SLC24A2: variants seen among roughly 807,000 people sequenced by gnomAD.
The protein encoded by SLC24A2 is sodium/potassium/calcium exchanger 2.
A neutral mutation model predicts 62.0 loss-of-function variants in SLC24A2; 36 were observed. The observed-to-expected ratio is 0.58, with a 90% confidence interval of 0.44 to 0.77. The LOEUF (loss-of-function observed/expected upper bound fraction) is 0.77. SLC24A2 is among the 30% of genes least tolerant of loss of function. The pLI, the probability that SLC24A2 is intolerant of heterozygous loss-of-function variation, is 0.00. For missense variants in SLC24A2, 846 were observed against 817.9 expected (o/e 1.03, Z -0.42); for synonymous variants, 358 against 294.0 (o/e 1.22, Z -2.23).
At chr9:20,070,488 T>C in the SLC24A2 span, among the ~76,000 whole-genome samples, 8,363 of 152,214 alleles carry the variant, frequency 0.055, 287 homozygotes, top group African/African-American at 0.087. Flanking sequence ...TACGATTGAG[T>C]TTGTAAATGA....
chr9:20,207,653 G>A, the SLC24A2 span, among the ~76,000 whole-genome samples: 4 of 152,142 alleles, frequency 2.6e-5, no homozygotes, highest in African/African-American at 9.7e-5. Flanking sequence ...CTTAATGGGT[G>A]CTTTAAATGT....
intron 4 of SLC24A2, among the ~76,000 whole-genome samples, chr9:19,603,866 C>T (rs776233975): frequency 1.3e-5 from 2 of 152,196 alleles, no homozygotes; most frequent in African/African-American, 2.4e-5. Context: ...TTCAGAACCC[C>T]GTTGAGGTTC....
the SLC24A2 span, among the ~76,000 whole-genome samples, chr9:19,903,607 C>T: frequency 2.6e-5 from 4 of 152,176 alleles, no homozygotes; most frequent in South Asian, 4.1e-4. Context: ...AGAGGTAGAG[C>T]TAGCAGGAAG....
chr9:19,731,349 C>T (rs1201361393), intron 2 of SLC24A2, among the ~76,000 whole-genome samples: 1 of 152,122 alleles, frequency 6.6e-6, no homozygotes, highest in Non-Finnish European at 1.5e-5. Flanking sequence ...CCAACCCCAC[C>T]CACATTCAAA....
At chr9:20,147,139 G>C in the SLC24A2 span, among the ~76,000 whole-genome samples, 3 of 152,138 alleles carry the variant, frequency 2.0e-5, no homozygotes, top group African/African-American at 7.2e-5. Flanking sequence ...AGAAATGCCT[G>C]ATCACGAACT....
chr9:19,623,758 G>A (rs1817965853), intron 2 of SLC24A2, among the ~76,000 whole-genome samples: 1 of 152,046 alleles, frequency 6.6e-6, no homozygotes, highest in Non-Finnish European at 1.5e-5. Flanking sequence ...ACACCTTTTT[G>A]GATTCTGGAG....
At chr9:19,945,478 C>T in the SLC24A2 span, among the ~76,000 whole-genome samples, 1 of 152,200 alleles carries the variant, frequency 6.6e-6, no homozygotes, top group African/African-American at 2.4e-5. Flanking sequence ...TTCCTTTCCC[C>T]TTTTCCATGT....
the SLC24A2 span, among the ~76,000 whole-genome samples, chr9:19,900,558 G>A: frequency 6.6e-6 from 1 of 152,222 alleles, no homozygotes; most frequent in African/African-American, 2.4e-5. Context: ...TATCTCTTAT[G>A]AGTCTCAGTT....
chr9:20,025,495 G>C, the SLC24A2 span, among the ~76,000 whole-genome samples: 2 of 152,048 alleles, frequency 1.3e-5, no homozygotes, highest in South Asian at 2.1e-4. Context: ...TTAGGTATTT[G>C]GGTGAACATT....
chr9:19,820,030 T>TATATATATAC, the SLC24A2 span, among the ~76,000 whole-genome samples: 32 of 26,558 alleles, frequency 1.2e-3, no homozygotes, highest in Non-Finnish European at 3.4e-3. Context: ...TATATACACA[T>TATATATATAC]ATATATATAT....
chr9:20,176,060 A>T, the SLC24A2 span, among the ~76,000 whole-genome samples: 1 of 152,058 alleles, frequency 6.6e-6, no homozygotes, highest in Non-Finnish European at 1.5e-5. Context: ...GACCAGTCTC[A>T]TGCTTCCATG....
chr9:20,146,930 C>T, the SLC24A2 span, among the ~76,000 whole-genome samples: 1 of 152,116 alleles, frequency 6.6e-6, no homozygotes, highest in African/African-American at 2.4e-5. Flanking sequence ...TTATGTACAA[C>T]ATCAGTACTG....
intron 2 of SLC24A2, among the ~76,000 whole-genome samples, chr9:19,634,429 C>G (rs1466193615): frequency 6.6e-6 from 1 of 152,024 alleles, no homozygotes; most frequent in East Asian, 1.9e-4. Flanking sequence ...GCTGGGAATA[C>G]AGGCATGCGC....
At chr9:19,650,723 C>T (rs1818775516) in intron 2 of SLC24A2, among the ~76,000 whole-genome samples, 1 of 29,736 alleles carries the variant, frequency 3.4e-5, no homozygotes, top group South Asian at 1.5e-3. Context: ...ATGGCACGCG[C>T]ACACACACAC....
chr9:19,644,695 T>C (rs1818593135), intron 2 of SLC24A2, among the ~76,000 whole-genome samples: 1 of 152,072 alleles, frequency 6.6e-6, no homozygotes, highest in Admixed American at 6.5e-5. Context: ...TCTATATTTT[T>C]ATGTAAGCAA....
At chr9:20,033,830 C>T in the SLC24A2 span, among the ~76,000 whole-genome samples, 8 of 152,180 alleles carry the variant, frequency 5.3e-5, no homozygotes, top group African/African-American at 1.7e-4. Context: ...CAGGAAATAA[C>T]CTTTAAAAAT....
chr9:19,773,560 G>A (rs1184992260), intron 2 of SLC24A2, among the ~76,000 whole-genome samples: 1 of 152,152 alleles, frequency 6.6e-6, no homozygotes, highest in African/African-American at 2.4e-5. Context: ...TACATTTTAT[G>A]ACTGATTCAG....
At chr9:19,531,896 C>G (rs1375860814) in intron 8 of SLC24A2, among the ~76,000 whole-genome samples, 1 of 152,074 alleles carries the variant, frequency 6.6e-6, no homozygotes, top group East Asian at 1.9e-4. Context: ...CATAAAATGT[C>G]TAGCAAAGTA....
In SLC24A2 at chr9:19,634,834, C is replaced by A. The variant is rs1423176635; in HGVS notation, c.931-12535G>T. ...AGTGATTATTTTCAATGTCATGCAT[C>A]CCTCTAATCTTATTAAGACAAGAGT... is the stretch of plus-strand genomic sequence containing the variant. On this transcript the variant is annotated intron_variant, in intron 2 of 10. Coordinates refer to ENST00000341998, the MANE Select transcript of SLC24A2 (RefSeq NM_020344.4). Among the ~76,000 whole-genome samples the A allele has an allele frequency of 6.6e-5, 10 of 152,228 alleles. No individual in the cohort carries two copies. In the East Asian group the frequency reaches 1.9e-3, roughly 29 times the overall value.
Sources: allele counts gnomAD v4.1 joint callset (sites outside exome capture counted in the v4.1 genomes callset), GRCh38; gene constraint gnomAD v4.1.1; transcripts MANE v1.5; gene names NCBI Gene and HGNC (gene_info 2026-07-23, HGNC 2026-07-21).